The following RSU1 variants were observed in gnomAD, a reference collection of about 807,000 sequenced individuals.
The protein encoded by RSU1 is Ras suppressor protein 1, also known as rsu-1.
Under a neutral mutation model 31.1 loss-of-function variants are expected in RSU1, and 26 were observed. The observed-to-expected ratio is 0.84, with a 90% CI of 0.61 to 1.16. The LOEUF is 1.16. RSU1 is among the 50% of genes most tolerant of loss of function. The pLI is 0.00. For missense variants in RSU1, 320 were observed against 339.1 expected, an observed-to-expected ratio of 0.94 and a Z score of 0.44; for synonymous variants, 164 against 136.3, an observed-to-expected ratio of 1.20 and a Z score of -1.41.
At chr10:16,765,583 T>C (rs549611556) in intron 3 of RSU1, among the ~76,000 whole-genome samples, 2 of 152,318 alleles carry the variant, frequency 1.3e-5, no homozygotes, top group East Asian at 1.9e-4. Flanking sequence ...AAACTGTAAA[T>C]TGGCAGCAGC....
intron 8 of RSU1, among the ~76,000 whole-genome samples, chr10:16,617,032 A>C (rs1344853326): frequency 6.6e-6 from 1 of 152,234 alleles, no homozygotes; most frequent in Non-Finnish European, 1.5e-5. Flanking sequence ...CTAGGAAGAG[A>C]GGAAGTCAAA....
chr10:16,672,104 C>A (rs1835116250), intron 8 of RSU1, among the ~76,000 whole-genome samples: 1 of 148,512 alleles, frequency 6.7e-6, no homozygotes, highest in Admixed American at 6.7e-5. Context: ...TGAGACCATC[C>A]TGGCTAACAT....
At chr10:16,618,926 T>C (rs1464504803) in intron 8 of RSU1, among the ~76,000 whole-genome samples, 3 of 152,302 alleles carry the variant, frequency 2.0e-5, no homozygotes, top group Middle Eastern at 3.4e-3. Flanking sequence ...CAAATCACCA[T>C]GGCACATGTA....
chr10:16,762,297 T>TATAC (rs1837224603), intron 4 of RSU1, among the ~76,000 whole-genome samples: 1 of 150,488 alleles, frequency 6.6e-6, no homozygotes, highest in Middle Eastern at 3.2e-3. Context: ...TGAGATTTTA[T>TATAC]ATATATATAT....
intron 3 of RSU1, among the ~76,000 whole-genome samples, chr10:16,774,339 G>A (rs961559793): frequency 2.6e-5 from 4 of 152,088 alleles, no homozygotes; most frequent in African/African-American, 7.2e-5. Flanking sequence ...TCACTAGGCC[G>A]AGGCAAGCAG....
chr10:16,726,262 C>T (rs7069573), intron 7 of RSU1, among the ~76,000 whole-genome samples: 64,164 of 145,834 alleles, frequency 0.44, 14,401 homozygotes, highest in East Asian at 0.58. Flanking sequence ...ATCTTAGGAA[C>T]GTATCTTTTT....
At chr10:16,703,519 G>C (rs1424124878) in intron 7 of RSU1, among the ~76,000 whole-genome samples, 2 of 152,236 alleles carry the variant, frequency 1.3e-5, no homozygotes, top group East Asian at 3.9e-4. Context: ...TGTTGCTTAT[G>C]TCCTTCTGAA....
chr10:16,675,977 C>T (rs893543590), intron 8 of RSU1, among the ~76,000 whole-genome samples: 17 of 152,126 alleles, frequency 1.1e-4, no homozygotes, highest in Non-Finnish European at 1.6e-4. Context: ...GAAGGGATCA[C>T]GCAGAAAGCT....
chr10:16,729,919 C>T (rs2131599064), intron 7 of RSU1, among the ~76,000 whole-genome samples: 1 of 152,218 alleles, frequency 6.6e-6, no homozygotes, highest in East Asian at 1.9e-4. Context: ...ATGTCTTAGT[C>T]CATTTTTGTG....
chr10:16,675,573 G>C (rs970558534), intron 8 of RSU1, among the ~76,000 whole-genome samples: 1 of 152,102 alleles, frequency 6.6e-6, no homozygotes, highest in Non-Finnish European at 1.5e-5. Context: ...GAAGAGACAA[G>C]AAAAGGAAAA....
chr10:16,618,491 A>G (rs1393905758), intron 8 of RSU1, among the ~76,000 whole-genome samples: 1 of 152,248 alleles, frequency 6.6e-6, no homozygotes, highest in Non-Finnish European at 1.5e-5. Flanking sequence ...TACCCAAAGG[A>G]TTATAAATCA....
At chr10:16,631,953 T>G (rs1370569644) in intron 8 of RSU1, among the ~76,000 whole-genome samples, 1 of 152,202 alleles carries the variant, frequency 6.6e-6, no homozygotes, top group Non-Finnish European at 1.5e-5. Context: ...CAAATGTGAT[T>G]GATTCTGGAA....
At position 16,752,845 on chromosome 10, in the gene RSU1, A is replaced by T. The variant is rs528403777; in HGVS notation, c.483+73T>A. 187 of 1,364,270 alleles carry T rather than the reference A, an allele frequency of 1.4e-4. No homozygotes were observed. In the African/African-American group the frequency reaches 2.0e-3, roughly 15 times the overall value. 84.5% of individuals were successfully genotyped at this position (1,364,270 alleles called of 1,614,324 possible). A position where few individuals can be genotyped will look rare whatever the true frequency, so the allele number is the denominator to read the frequency against. ...ACAAAACAAACCTTACTCCTGCTCA[A>T]ATTGACTTGATTCTACCCCTACAAG... On this transcript the variant is annotated intron_variant, in intron 6 of 8. Coordinates refer to ENST00000345264, the MANE Select transcript of RSU1 (RefSeq NM_012425.4).
intron 2 of RSU1, among the ~76,000 whole-genome samples, chr10:16,797,954 C>T (rs1209175787): frequency 2.0e-5 from 3 of 149,126 alleles, no homozygotes; most frequent in East Asian, 2.0e-4. Context: ...CTCCGCCTCT[C>T]GGGTTCAAGG....
In RSU1 at chr10:16,643,761, G is replaced by A. The variant is rs918942054; in HGVS notation, c.732-50265C>T. ...CTAAGAGCACCTGCCTTAAAGGGTC[G>A]CTGTTAAGGCTAAAGTAGAGAATGC... On this transcript the variant is annotated intron_variant, in intron 8 of 8. Transcript: ENST00000345264. Among the ~76,000 whole-genome samples the A allele has an allele frequency of 1.3e-4, 19 of 151,802 alleles. 1 individual carries two copies. The South Asian group carries it at 3.7e-3, about 30-fold the overall frequency.
intron 2 of RSU1, among the ~76,000 whole-genome samples, chr10:16,806,109 G>C (rs1396018930): frequency 6.6e-6 from 1 of 152,190 alleles, no homozygotes; most frequent in Non-Finnish European, 1.5e-5. Flanking sequence ...TTTTGGAATA[G>C]ATTTTTTTAA....
chr10:16,683,157 T>TCTG (rs1835363725), intron 8 of RSU1, among the ~76,000 whole-genome samples: 1 of 88,542 alleles, frequency 1.1e-5, no homozygotes. Context: ...GGAATGGGTG[T>TCTG]GTGGTGTGTG....
rs1032097635 is a variant in RSU1, at chr10:16,736,828, A to G, written c.598+15711T>C. Among the ~76,000 whole-genome samples, 8 of 152,162 alleles carry G rather than the reference A, an allele frequency of 5.3e-5. No homozygotes were observed. The South Asian group carries it at 6.2e-4, about 12-fold the overall frequency. On this transcript the variant is annotated intron_variant, in intron 7 of 8. Transcript: ENST00000345264. ...TGAACATAATAAGGAAATAAATAGT[A>G]TCTAAATTGAGAAATGAAATTATAA... is the stretch of plus-strand genomic sequence containing the variant.
At chr10:16,714,233 C>T (rs189050814) in intron 7 of RSU1, among the ~76,000 whole-genome samples, 72 of 152,310 alleles carry the variant, frequency 4.7e-4, no homozygotes, top group African/African-American at 1.7e-3. Context: ...TGGTCTGATG[C>T]TGTGCCAGCT....
Sources: gnomAD v4.1 joint callset for allele counts (sites outside exome capture counted in the v4.1 genomes callset) on GRCh38, gnomAD v4.1.1 for gene constraint, MANE v1.5 for transcripts, NCBI Gene and HGNC (gene_info 2026-07-23, HGNC 2026-07-21) for gene names.